Variants in PRKCE observed in about 807,000 individuals in gnomAD.
The protein encoded by PRKCE is protein kinase C epsilon, also known as protein kinase C epsilon type.
In PRKCE, 16 loss-of-function variants were observed where a neutral mutation model predicts 85.4. That is an observed-to-expected ratio of 0.19 (90% CI 0.13 to 0.28). The LOEUF (loss-of-function observed/expected upper bound fraction) is 0.28. Ranked by LOEUF, PRKCE falls within the 10% of genes least tolerant of loss-of-function variation. PRKCE has a pLI of 1.00. For synonymous variants in PRKCE, 388 were observed against 371.5 expected, an observed-to-expected ratio of 1.04 and a Z score of -0.51; for missense variants, 573 against 975.2, an observed-to-expected ratio of 0.59 and a Z score of 5.49.
intron 1 of PRKCE, among the ~76,000 whole-genome samples, chr2:45,814,837 C>T (rs1169989610): frequency 1.3e-5 from 2 of 152,178 alleles, no homozygotes; most frequent in Non-Finnish European, 2.9e-5. Context: ...GCACCTTAGC[C>T]ACAGGCTGCA....
At chr2:45,932,064 AAG>A (rs1283221707) in intron 2 of PRKCE, among the ~76,000 whole-genome samples, 1 of 152,126 alleles carries the variant, frequency 6.6e-6, no homozygotes, top group Non-Finnish European at 1.5e-5. Context: ...CAGATGGAGA[AAG>A]AGAACATGGC....
At chr2:46,094,181 G>A (rs1352631583) in intron 11 of PRKCE, among the ~76,000 whole-genome samples, 11 of 152,096 alleles carry the variant, frequency 7.2e-5, no homozygotes, top group Admixed American at 3.3e-4. Flanking sequence ...TGTGCCTGCT[G>A]CAAAGCTGTC....
In PRKCE at chr2:45,963,518, AG is replaced by A. The variant is rs567624938; in HGVS notation, c.413-12909del. ...GAGACAGGGTTTCGCCATGTTGGCC[AG>A]GCTGGTCTAGAACTCCTGACCTCAG... On this transcript the variant is annotated intron_variant, in intron 2 of 14. Transcript: ENST00000306156. 1.8e-4 allele frequency among the ~76,000 whole-genome samples: 28 copies of A among 152,326 alleles called. 1 individual carries two copies. The South Asian group carries it at 5.8e-3, about 32-fold the overall frequency.
At chr2:45,729,320 A>G (rs1188175835) in intron 1 of PRKCE, among the ~76,000 whole-genome samples, 2 of 152,228 alleles carry the variant, frequency 1.3e-5, no homozygotes, top group East Asian at 1.9e-4. Context: ...GAAAGGTGCC[A>G]TGAAAGCCAT....
chr2:45,727,894 C>T (rs1681221493), intron 1 of PRKCE, among the ~76,000 whole-genome samples: 1 of 152,140 alleles, frequency 6.6e-6, no homozygotes, highest in Admixed American at 6.6e-5. Flanking sequence ...ACCTCGTGAT[C>T]TGCCTGCCTC....
chr2:45,923,084 C>G (rs557829546), intron 2 of PRKCE, among the ~76,000 whole-genome samples: 1 of 152,252 alleles, frequency 6.6e-6, no homozygotes, highest in East Asian at 1.9e-4. Context: ...TAACAGAGGA[C>G]AGGAAGACAG....
intron 1 of PRKCE, among the ~76,000 whole-genome samples, chr2:45,788,106 C>T (rs536000790): frequency 3.7e-4 from 57 of 152,286 alleles, no homozygotes; most frequent in African/African-American, 1.3e-3. Context: ...CTGGTCAAGC[C>T]GAAACTTTTC....
intron 1 of PRKCE, among the ~76,000 whole-genome samples, chr2:45,785,500 T>TA (rs11423618): frequency 0.081 from 11,031 of 135,616 alleles, 826 homozygotes; most frequent in African/African-American, 0.2. Context: ...AAAAAAAGAA[T>TA]AAAAAAAAAA....
intron 10 of PRKCE, among the ~76,000 whole-genome samples, chr2:46,055,014 A>G (rs1666427619): frequency 6.6e-6 from 1 of 151,858 alleles, no homozygotes; most frequent in Non-Finnish European, 1.5e-5. Context: ...AGTCACTTTT[A>G]CCCTCAATAA....
chr2:45,710,977 C>G (rs1015244202), intron 1 of PRKCE, among the ~76,000 whole-genome samples: 1 of 152,208 alleles, frequency 6.6e-6, no homozygotes, highest in African/African-American at 2.4e-5. Flanking sequence ...AAAACATATT[C>G]CATCTGATCT....
At chr2:45,712,700 A>C (rs930840235) in intron 1 of PRKCE, among the ~76,000 whole-genome samples, 5 of 151,804 alleles carry the variant, frequency 3.3e-5, no homozygotes, top group Non-Finnish European at 5.9e-5. Context: ...CCTTTTTTCC[A>C]TCCAGCTCAA....
At chr2:45,982,534 T>C (rs1027495506) in intron 5 of PRKCE, among the ~76,000 whole-genome samples, 13 of 152,316 alleles carry the variant, frequency 8.5e-5, no homozygotes, top group African/African-American at 2.6e-4. Context: ...ATGTTCCATC[T>C]CCACTGGTGT....
At chr2:45,910,822 G>A (rs1000936159) in intron 2 of PRKCE, among the ~76,000 whole-genome samples, 4 of 152,176 alleles carry the variant, frequency 2.6e-5, no homozygotes, top group African/African-American at 9.7e-5. Flanking sequence ...GCAGGGGGCG[G>A]TGAGCAGTCC....
chr2:46,075,690 A>G (rs929819002), intron 10 of PRKCE, among the ~76,000 whole-genome samples: 1 of 152,226 alleles, frequency 6.6e-6, no homozygotes, highest in African/African-American at 2.4e-5. Context: ...CCAAGGCTGC[A>G]GTGAGCCAAA....
intron 1 of PRKCE, among the ~76,000 whole-genome samples, chr2:45,794,844 T>TCCCC (rs1195014020): frequency 1.2e-5 from 1 of 83,104 alleles, no homozygotes; most frequent in Non-Finnish European, 2.2e-5. Flanking sequence ...ATTATTGCCC[T>TCCCC]ACCCCCCCCC....
At chr2:45,718,073 A>T (rs745640870) in intron 1 of PRKCE, among the ~76,000 whole-genome samples, 66 of 152,238 alleles carry the variant, frequency 4.3e-4, no homozygotes, top group Middle Eastern at 3.2e-3. Context: ...ATGGGTTTAT[A>T]GCACTCAGCA....
At chr2:45,680,075 G>A (rs1432840676) in intron 1 of PRKCE, among the ~76,000 whole-genome samples, 1 of 152,230 alleles carries the variant, frequency 6.6e-6, no homozygotes, top group Non-Finnish European at 1.5e-5. Flanking sequence ...AGATGAACAG[G>A]TTTATTGGGA....
intron 2 of PRKCE, among the ~76,000 whole-genome samples, chr2:45,918,069 C>T (rs1376002766): frequency 1.3e-5 from 2 of 152,238 alleles, no homozygotes; most frequent in Admixed American, 1.3e-4. Context: ...CCACACCTCC[C>T]TGCAACCTGA....
chr2:45,925,529 C>T (rs547102875), intron 2 of PRKCE, among the ~76,000 whole-genome samples: 1 of 152,304 alleles, frequency 6.6e-6, no homozygotes, highest in South Asian at 2.1e-4. Flanking sequence ...CTCCTGACCT[C>T]AGGTGATCCA....
Sources: gnomAD v4.1 joint callset for allele counts (sites outside exome capture counted in the v4.1 genomes callset) on GRCh38, gnomAD v4.1.1 for gene constraint, MANE v1.5 for transcripts, NCBI Gene and HGNC (gene_info 2026-07-23, HGNC 2026-07-21) for gene names.